The following CEP162 variants were observed in gnomAD, a reference collection of about 807,000 sequenced individuals.
The protein encoded by CEP162 is centrosomal protein 162.
CEP162 carries 141 observed loss-of-function variants against 169.2 expected under a neutral mutation model. The observed-to-expected ratio is 0.83, with a 90% CI of 0.73 to 0.96. The LOEUF (loss-of-function observed/expected upper bound fraction) is 0.96. CEP162 is among the 40% of genes least tolerant of loss of function. The pLI is 0.00. For synonymous variants in CEP162, 540 were observed against 526.4 expected (o/e 1.03, Z -0.35); for missense variants, 1,600 against 1,587.2 (o/e 1.01, Z -0.14).
At chr6:84,201,611 G>A in intron 8 of CEP162, 126 bp downstream of exon 8, 1 of 584,534 alleles carries the variant, frequency 1.7e-6, no homozygotes. Flanking sequence ...AGAAAAGCTA[G>A]GAACTTCAAT....
rs528115748 is a variant in CEP162, at chr6:84,127,316, CAAT to C, written c.3871-807_3871-805del. Among the ~76,000 whole-genome samples, 310 of 147,456 alleles carry C rather than the reference CAAT, an allele frequency of 2.1e-3. 1 individual carries two copies. The highest frequency in any genetic ancestry group is 3.4e-3 in the Non-Finnish European group (227 of 67,464). ...TTTCTATGAAAACACCTATTAATAA[CAAT>C]AATACTAATACTAAAAAATCCCAGT... On this transcript the variant is annotated intron_variant, in intron 25 of 26. Coordinates refer to ENST00000403245, the MANE Select transcript of CEP162 (RefSeq NM_014895.4).
At chr6:84,158,929 T>A (rs1174136046) in intron 21 of CEP162, among the ~76,000 whole-genome samples, 2 of 151,738 alleles carry the variant, frequency 1.3e-5, no homozygotes, top group Non-Finnish European at 2.9e-5. Flanking sequence ...AAATTTTTTT[T>A]AACTCTCATT....
intron 1 of CEP162, 150 bp from the exon 2 acceptor site, chr6:84,226,602 T>G (rs2099555842): frequency 1.8e-6 from 1 of 563,682 alleles, no homozygotes; most frequent in Non-Finnish European, 3.2e-6. Context: ...CCTAATTCAT[T>G]AAGCAAACTG....
chr6:84,201,804 A>G (rs765435928), intron 7 of CEP162, 37 bp from the exon 8 acceptor site: 11 of 1,119,344 alleles, frequency 9.8e-6, no homozygotes, highest in Non-Finnish European at 1.0e-5. Context: ...ATGTTTTGAA[A>G]CCAAAATTAT....
chr6:84,169,573 T>C (rs2099529178), intron 17 of CEP162, 140 bp from the exon 18 acceptor site: 2 of 508,814 alleles, frequency 3.9e-6, no homozygotes, highest in Non-Finnish European at 6.8e-6. Context: ...TTTCATTTAA[T>C]CTAAAGATTA....
chr6:84,199,463 G>C (rs960870185), intron 9 of CEP162, among the ~76,000 whole-genome samples: 17 of 151,508 alleles, frequency 1.1e-4, no homozygotes, highest in African/African-American at 3.6e-4. Context: ...TGATTACATG[G>C]GTGTGCTCAG....
At position 84,201,723 on chromosome 6, in the gene CEP162, TA is replaced by T; in HGVS notation, c.718+13del. ...TTTTTTGCCAACTAAAACATGAATA[TA>T]AATAATATTTACCATTAGCAAGCAT... On this transcript the variant is annotated intron_variant, in intron 8 of 26. Transcript: ENST00000403245. 8.0e-7 allele frequency: 1 copy of T among 1,252,172 alleles called. No individual in the cohort carries two copies. Among genetic ancestry groups the T allele is most frequent in the Non-Finnish European group, 1.1e-6 (1 of 893,640 alleles). The allele number at this position is 1,252,172 out of a possible 1,614,324, so 77.6% of individuals were successfully genotyped here.
chr6:84,178,025 A>G (rs1052275912), intron 13 of CEP162, among the ~76,000 whole-genome samples: 1 of 152,216 alleles, frequency 6.6e-6, no homozygotes, highest in Non-Finnish European at 1.5e-5. Flanking sequence ...TTATTTTATT[A>G]TGATATAATA....
rs1163275839 is a variant in CEP162 at position 84,185,439 on chromosome 6, A to G, written c.1411T>C (p.Ser471Pro). 1 of 1,612,924 alleles carries G rather than the reference A, an allele frequency of 6.2e-7. No individual in the cohort carries two copies. The highest frequency in any genetic ancestry group is 1.7e-5 in the Admixed American group (1 of 59,944). ...QDDKINKTYR[S>P]QLSSEEEGAV... The stretch of plus-strand genomic sequence containing the variant: ...CCTTCTTCTTCAGAACTAAGTTGAG[A>G]TCTGTAAGTCTGTACACAACAAACA... The change falls in exon 13 of 27, where the codon TCT becomes CCT. Residue 471 changes from serine to proline, a missense_variant. Physicochemically the swap from Ser to Pro is moderately conservative, Grantham distance 74. Transcript: ENST00000403245.
At chr6:84,195,469 C>G (rs564356628) in intron 9 of CEP162, among the ~76,000 whole-genome samples, 1 of 152,182 alleles carries the variant, frequency 6.6e-6, no homozygotes, top group Non-Finnish European at 1.5e-5. Flanking sequence ...CTTTTTCAAC[C>G]ACAATGAATT....
chr6:84,186,638 A>G lies in CEP162; in HGVS notation c.1110-15T>C. The G allele has an allele frequency of 6.3e-7, 1 of 1,583,926 alleles. No individual in the cohort carries two copies. The highest frequency in any genetic ancestry group is 1.2e-5 in the South Asian group (1 of 86,594). ...CTTTCTCAGAGCTATAAAACAAAAC[A>G]GGACACAGATAATGAACCCTATGTA... is the stretch of plus-strand genomic sequence containing the variant. On this transcript the variant is annotated splice_polypyrimidine_tract_variant and intron_variant, in intron 11 of 26. Coordinates refer to ENST00000403245, the MANE Select transcript of CEP162 (RefSeq NM_014895.4).
rs893883248 is a variant in CEP162 at position 84,174,107 on chromosome 6, A to G, written c.2107T>C (p.Leu703=). The G allele has an allele frequency of 5.0e-6, 8 of 1,611,752 alleles. No individual in the cohort carries two copies. In the Admixed American group the frequency reaches 6.7e-5, roughly 13 times the overall value. ...TGTATTTCTTTTTGGATTTGCTTCA[A>G]CTTTTCTCCAGTGACAGGATCAGCT... is the stretch of plus-strand genomic sequence containing the variant. The part of the protein sequence containing the change: ...EAADPVTGEK[L]KQIQKEIQEQ... The change falls in exon 16 of 27, where the codon TTG becomes CTG. Residue 703 remains leucine (L), a synonymous_variant. Coordinates refer to ENST00000403245, the MANE Select transcript of CEP162 (RefSeq NM_014895.4).
At chr6:84,174,591 C>T (rs1311838260) in intron 15 of CEP162, 136 bp downstream of exon 15, 1 of 566,206 alleles carries the variant, frequency 1.8e-6, no homozygotes, top group Middle Eastern at 4.7e-4. Flanking sequence ...CTCTTGGAAC[C>T]ATTCTATATT....
At chr6:84,215,207 T>TA (rs2099551062) in intron 5 of CEP162, 75 bp downstream of exon 5, 4 of 733,942 alleles carry the variant, frequency 5.5e-6, no homozygotes, top group Non-Finnish European at 8.1e-6. Flanking sequence ...TTTACCTATT[T>TA]AAAATCACAC....
intron 18 of CEP162, 49 bp from the exon 19 acceptor site, chr6:84,163,319 A>T: frequency 3.7e-6 from 5 of 1,344,598 alleles, no homozygotes; most frequent in African/African-American, 1.4e-5. Context: ...AACCACAATA[A>T]ATTGTGGTAT....
At chr6:84,126,552 C>T in intron 25 of CEP162, 40 bp from the exon 26 acceptor site, 4 of 1,376,114 alleles carry the variant, frequency 2.9e-6, no homozygotes, top group Non-Finnish European at 3.9e-6. Context: ...ACTATAATCA[C>T]AAGAATTTAA....
chr6:84,205,367 C>G lies in CEP162; in HGVS notation c.572-1271G>C, dbSNP rs2099546444. On this transcript the variant is annotated intron_variant, in intron 6 of 26. Coordinates refer to ENST00000403245, the MANE Select transcript of CEP162 (RefSeq NM_014895.4). Reference sequence around the variant, plus strand: ...CTAGCAGCACATCAAAAAGCTTATCCACCACGATCAAGTTGGCTTCATCCC... The same window carrying G: ...CTAGCAGCACATCAAAAAGCTTATCGACCACGATCAAGTTGGCTTCATCCC... Among the ~76,000 whole-genome samples the G allele has an allele frequency of 2.6e-5, 4 of 152,124 alleles. No homozygotes were observed. The South Asian group carries it at 8.3e-4, about 31-fold the overall frequency.
At chr6:84,154,196 C>G (rs142072103) in intron 22 of CEP162, among the ~76,000 whole-genome samples, 2 of 152,054 alleles carry the variant, frequency 1.3e-5, no homozygotes, top group Non-Finnish European at 2.9e-5. Context: ...GATTTAGATA[C>G]ATAAAAGTGC....
chr6:84,138,127 A>G (rs1440529291), intron 25 of CEP162, among the ~76,000 whole-genome samples: 3 of 152,218 alleles, frequency 2.0e-5, no homozygotes, highest in African/African-American at 7.2e-5. Context: ...AAGTTCACTA[A>G]TGGTTTAAAA....
Sources: allele counts gnomAD v4.1 joint callset (sites outside exome capture counted in the v4.1 genomes callset), GRCh38; gene constraint gnomAD v4.1.1; transcripts MANE v1.5; gene names NCBI Gene and HGNC (gene_info 2026-07-23, HGNC 2026-07-21).